CCDC192: variants seen among roughly 807,000 people sequenced by gnomAD.
CCDC192 encodes the protein coiled-coil domain-containing protein 192.
chr5:127,754,523 G>GC (rs946087642), intron 3 of CCDC192, 148 bp downstream of exon 3: 7 of 377,430 alleles, frequency 1.9e-5, no homozygotes, highest in Non-Finnish European at 2.3e-5. Context: ...ATTGCAGTAT[G>GC]CCCCCCCACC....
At chr5:127,785,047 T>A in intron 3 of CCDC192, 1 of 492,244 alleles carries the variant, frequency 2.0e-6, no homozygotes, top group Non-Finnish European at 4.1e-6. Context: ...AATGTCCATT[T>A]TAATTTGAGT....
chr5:127,772,346 C>T (rs1755603247), intron 3 of CCDC192, among the ~76,000 whole-genome samples: 1 of 151,938 alleles, frequency 6.6e-6, no homozygotes, highest in East Asian at 1.9e-4. Context: ...GTAATCCCAG[C>T]TACTCTGGAG....
At chr5:127,860,056 C>A (rs1405030787) in intron 5 of CCDC192, among the ~76,000 whole-genome samples, 3 of 152,158 alleles carry the variant, frequency 2.0e-5, no homozygotes, top group Non-Finnish European at 4.4e-5. Flanking sequence ...AGACTCAGCT[C>A]AGGTAATATC....
At chr5:127,931,023 A>C (rs563235087) in intron 6 of CCDC192, among the ~76,000 whole-genome samples, 87 of 152,342 alleles carry the variant, frequency 5.7e-4, no homozygotes, top group Middle Eastern at 3.4e-3. Context: ...CTTCTTGGAC[A>C]TATGTGCTGA....
intron 5 of CCDC192, among the ~76,000 whole-genome samples, chr5:127,799,830 C>A (rs1757381826): frequency 6.6e-6 from 1 of 152,042 alleles, no homozygotes; most frequent in Non-Finnish European, 1.5e-5. Flanking sequence ...ATGTAATTGT[C>A]CAACATTCAG....
chr5:127,752,958 C>T (rs1324120122), intron 2 of CCDC192, among the ~76,000 whole-genome samples: 1 of 152,216 alleles, frequency 6.6e-6, no homozygotes, highest in African/African-American at 2.4e-5. Context: ...GGCAATGCCT[C>T]GCCCTGCTTT....
At position 127,837,632 on chromosome 5, in the gene CCDC192, C is replaced by T. The variant is rs114861740; in HGVS notation, c.412-37906C>T. Reference sequence around the variant, plus strand: ...TACACTTCACTATGGCCAAGAGCCACCTGGAAATTGGCACCATTTGTCTCC... The same window carrying T: ...TACACTTCACTATGGCCAAGAGCCATCTGGAAATTGGCACCATTTGTCTCC... On this transcript the variant is annotated intron_variant, in intron 5 of 6. Coordinates refer to ENST00000514853, the MANE Select transcript of CCDC192 (RefSeq NM_001317938.2). Among the ~76,000 whole-genome samples the T allele has an allele frequency of 1.3e-3, 197 of 152,316 alleles. 2 individuals carry two copies. The highest frequency in any genetic ancestry group is 4.6e-3 in the African/African-American group (190 of 41,560).
chr5:127,924,146 C>T (rs1011334828), intron 6 of CCDC192, among the ~76,000 whole-genome samples: 1 of 152,192 alleles, frequency 6.6e-6, no homozygotes, highest in Non-Finnish European at 1.5e-5. Context: ...TAAAGCTAAT[C>T]TGAGTCCTAA....
At chr5:127,850,706 C>T (rs1750756942) in intron 5 of CCDC192, among the ~76,000 whole-genome samples, 1 of 152,148 alleles carries the variant, frequency 6.6e-6, no homozygotes, top group Non-Finnish European at 1.5e-5. Flanking sequence ...TGGCTCAAGC[C>T]TGTAATCCCA....
chr5:127,894,824 C>T (rs990682393), intron 6 of CCDC192, among the ~76,000 whole-genome samples: 3 of 152,192 alleles, frequency 2.0e-5, no homozygotes, highest in Admixed American at 2.0e-4. Context: ...ATCCAGCCAA[C>T]CAAAGTGTTT....
At chr5:127,932,763 C>G (rs1392563458) in intron 6 of CCDC192, among the ~76,000 whole-genome samples, 1 of 152,168 alleles carries the variant, frequency 6.6e-6, no homozygotes, top group Non-Finnish European at 1.5e-5. Context: ...AATAAAAAAG[C>G]TCTGCTTTCA....
At chr5:127,903,001 T>G (rs1053916562) in intron 6 of CCDC192, among the ~76,000 whole-genome samples, 2 of 152,156 alleles carry the variant, frequency 1.3e-5, no homozygotes, top group African/African-American at 4.8e-5. Flanking sequence ...ATTAAAAATC[T>G]CAGGCACGGC....
At chr5:127,896,434 CT>C (rs10709420) in intron 6 of CCDC192, among the ~76,000 whole-genome samples, 42,035 of 147,502 alleles carry the variant, frequency 0.28, 6,089 homozygotes, top group African/African-American at 0.35. Flanking sequence ...TTTTCTTCTT[CT>C]TTTTTTTTTT....
intron 5 of CCDC192, among the ~76,000 whole-genome samples, chr5:127,848,328 T>C (rs1283296337): frequency 6.6e-6 from 1 of 152,170 alleles, no homozygotes; most frequent in Non-Finnish European, 1.5e-5. Flanking sequence ...ATTGCCCAAC[T>C]TGAGAGTGAA....
intron 1 of CCDC192, among the ~76,000 whole-genome samples, chr5:127,705,620 G>A (rs1750916463): frequency 6.6e-6 from 1 of 152,100 alleles, no homozygotes; most frequent in South Asian, 2.1e-4. Context: ...GGAATACAAA[G>A]GCAAGAAATA....
chr5:127,928,413 A>G (rs1399424470), intron 6 of CCDC192, among the ~76,000 whole-genome samples: 5 of 152,148 alleles, frequency 3.3e-5, no homozygotes, highest in Non-Finnish European at 7.3e-5. Flanking sequence ...CAGAGCCAGC[A>G]TTGTGACATT....
chr5:127,743,135 T>G (rs1295068204), intron 2 of CCDC192, among the ~76,000 whole-genome samples: 1 of 151,974 alleles, frequency 6.6e-6, no homozygotes, highest in Non-Finnish European at 1.5e-5. Flanking sequence ...GTCAGGCTAT[T>G]TACTCCGCTG....
At chr5:127,863,860 T>C (rs956400774) in intron 5 of CCDC192, among the ~76,000 whole-genome samples, 1 of 152,210 alleles carries the variant, frequency 6.6e-6, no homozygotes, top group South Asian at 2.1e-4. Context: ...CTTTGACGCA[T>C]AAAAACTGAG....
intron 6 of CCDC192, among the ~76,000 whole-genome samples, chr5:127,911,127 C>T (rs546925112): frequency 1.1e-4 from 16 of 152,292 alleles, no homozygotes; most frequent in African/African-American, 3.8e-4. Flanking sequence ...CAATGGAAAT[C>T]GCTTTCTTTA....
Sources: gnomAD v4.1 joint callset for allele counts (sites outside exome capture counted in the v4.1 genomes callset) on GRCh38, gnomAD v4.1.1 for gene constraint, MANE v1.5 for transcripts, NCBI Gene and HGNC (gene_info 2026-07-23, HGNC 2026-07-21) for gene names.